Variants in SYNPO2 observed in about 807,000 individuals in gnomAD.
SYNPO2 encodes the protein synaptopodin-2.
Under a neutral mutation model 85.0 loss-of-function variants are expected in SYNPO2, and 56 were observed. The ratio of observed to expected loss-of-function variants is 0.66; its 90% CI spans 0.53 to 0.82. The LOEUF is 0.82. SYNPO2 is among the 40% of genes least tolerant of loss of function. SYNPO2 has a pLI of 0.00. For missense variants in SYNPO2, 1,575 were observed against 1,534.2 expected (o/e 1.03, Z -0.44); for synonymous variants, 602 against 591.1 (o/e 1.02, Z -0.27).
chr4:119,023,152 A>T lies in SYNPO2; in HGVS notation c.106-278A>T, dbSNP rs181065351. ...CTCTTCTCTATTTTTTATTTCTTTA[A>T]TTCTGTCTGGTACCTTTACATTGAT... On this transcript the variant is annotated intron_variant, in intron 1 of 4. Coordinates refer to ENST00000307142, the MANE Select transcript of SYNPO2 (RefSeq NM_133477.3). Among the ~76,000 whole-genome samples the T allele has an allele frequency of 6.6e-5, 10 of 152,192 alleles. No homozygotes were observed. In the East Asian group the frequency reaches 1.7e-3, roughly 26 times the overall value.
intron 4 of SYNPO2, chr4:119,038,562 A>G: frequency 1.0e-6 from 1 of 985,456 alleles, no homozygotes; most frequent in Non-Finnish European, 1.2e-6. Context: ...ACTAAATGTA[A>G]CTCAGGGAAC....
At chr4:118,856,437 C>T (rs1395053249) in intron 1 of SYNPO2, among the ~76,000 whole-genome samples, 18 of 152,148 alleles carry the variant, frequency 1.2e-4, no homozygotes, top group Admixed American at 5.2e-4. Context: ...AGCAAAACTT[C>T]GCACTAAGCC....
At chr4:118,883,977 CA>C (rs1732157073), upstream of SYNPO2, among the ~76,000 whole-genome samples, 1 of 152,142 alleles carries the variant, frequency 6.6e-6, no homozygotes, top group Non-Finnish European at 1.5e-5. Context: ...GCAGAAACAT[CA>C]GCATGTTTGC....
chr4:118,938,832 A>G (rs1734202211), intron 1 of SYNPO2, among the ~76,000 whole-genome samples: 1 of 152,380 alleles, frequency 6.6e-6, no homozygotes, highest in African/African-American at 2.4e-5. Flanking sequence ...TGAGCTGAGC[A>G]TATTTCATAC....
intron 4 of SYNPO2, among the ~76,000 whole-genome samples, chr4:119,045,710 C>A (rs1000743593): frequency 6.6e-6 from 1 of 151,996 alleles, no homozygotes; most frequent in Non-Finnish European, 1.5e-5. Context: ...ATGTTTGAAC[C>A]AATTAAACTA....
At chr4:118,909,240 G>A (rs1367965073) in intron 1 of SYNPO2, among the ~76,000 whole-genome samples, 3 of 152,182 alleles carry the variant, frequency 2.0e-5, no homozygotes, top group Non-Finnish European at 4.4e-5. Flanking sequence ...TGAAACATAC[G>A]GGGGATGAGA....
chr4:118,912,229 C>T (rs758258112), intron 1 of SYNPO2, among the ~76,000 whole-genome samples: 3 of 152,108 alleles, frequency 2.0e-5, no homozygotes, highest in Non-Finnish European at 4.4e-5. Flanking sequence ...TTGCCCAGGC[C>T]GGAGTGCAGT....
At chr4:118,957,829 G>A (rs1734932604) in intron 1 of SYNPO2, among the ~76,000 whole-genome samples, 1 of 152,206 alleles carries the variant, frequency 6.6e-6, no homozygotes, top group Non-Finnish European at 1.5e-5. Context: ...GAGAGAGAGG[G>A]CCTTAGAGAG....
chr4:119,042,529 T>G (rs1474834156), intron 4 of SYNPO2: 2 of 152,236 alleles, frequency 1.3e-5, no homozygotes, highest in African/African-American at 4.8e-5. Context: ...TATTTTGGGA[T>G]CTAGGCTAAT....
intron 1 of SYNPO2, among the ~76,000 whole-genome samples, chr4:118,852,832 A>G (rs566979555): frequency 2.0e-4 from 31 of 152,316 alleles, no homozygotes; most frequent in Admixed American, 1.4e-3. Flanking sequence ...AAGTTTACCT[A>G]TATAACAAAC....
intron 1 of SYNPO2, among the ~76,000 whole-genome samples, chr4:118,880,446 T>C (rs914651810): frequency 6.6e-6 from 1 of 152,166 alleles, no homozygotes; most frequent in Non-Finnish European, 1.5e-5. Context: ...GATGATTTTG[T>C]TCATTTCAAA....
intron 1 of SYNPO2, among the ~76,000 whole-genome samples, chr4:118,907,627 T>C (rs1372116947): frequency 6.6e-6 from 1 of 152,186 alleles, no homozygotes; most frequent in African/African-American, 2.4e-5. Flanking sequence ...CATGGCTGTG[T>C]CCTACAAATG....
At chr4:118,903,601 T>A (rs1732829702) in intron 1 of SYNPO2, among the ~76,000 whole-genome samples, 1 of 152,202 alleles carries the variant, frequency 6.6e-6, no homozygotes, top group Non-Finnish European at 1.5e-5. Context: ...GCAGTATCAG[T>A]TACTAATCAA....
chr4:118,963,185 C>T (rs540716565), intron 1 of SYNPO2, among the ~76,000 whole-genome samples: 46 of 152,312 alleles, frequency 3.0e-4, no homozygotes, highest in African/African-American at 1.0e-3. Context: ...TTCCACAAGG[C>T]ACCCTAGGCA....
intron 1 of SYNPO2, among the ~76,000 whole-genome samples, chr4:118,949,620 A>G (rs1734628566): frequency 6.6e-6 from 1 of 151,720 alleles, no homozygotes; most frequent in South Asian, 2.1e-4. Flanking sequence ...GTAATGACAC[A>G]TGCCTATAAT....
chr4:119,013,930 C>T (rs186033034), intron 1 of SYNPO2, among the ~76,000 whole-genome samples: 28 of 152,310 alleles, frequency 1.8e-4, no homozygotes, highest in African/African-American at 6.7e-4. Flanking sequence ...TTAGAAACTA[C>T]TGCTTGTTGA....
Position 119,023,562 on chromosome 4 carries a change from C to T in SYNPO2, c.238C>T (p.Leu80Phe). The part of the protein sequence containing the change: ...IKLMESITDS[L>F]QMLIKRPSSG... ...GCTCATGGAAAGCATAACAGACTCT[C>T]TCCAAATGCTCATCAAAAGGTACAA... The change falls in exon 2 of 5, where the codon CTC (leucine) becomes TTC (phenylalanine). Residue 80 changes from leucine to phenylalanine, a missense_variant. Around this residue, in one of 3 missense-constraint regions of SYNPO2, gnomAD observed 1,508 missense variants for 1,446.8 expected, o/e 1.04. Transcript: ENST00000307142. The T allele has an allele frequency of 6.2e-7, 1 of 1,612,814 alleles. No individual in the cohort carries two copies.
At chr4:119,009,378 T>A (rs1389032293) in intron 1 of SYNPO2, among the ~76,000 whole-genome samples, 1 of 152,104 alleles carries the variant, frequency 6.6e-6, no homozygotes, top group Non-Finnish European at 1.5e-5. Flanking sequence ...TAAAAGAACA[T>A]GCCAAAAAAT....
intron 1 of SYNPO2, among the ~76,000 whole-genome samples, chr4:118,913,134 C>T (rs1733196854): frequency 1.3e-5 from 2 of 152,028 alleles, no homozygotes; most frequent in Admixed American, 1.3e-4. Flanking sequence ...TATCCTTGCT[C>T]TTAAGAAATT....
Sources: gnomAD v4.1 joint callset for allele counts (sites outside exome capture counted in the v4.1 genomes callset) on GRCh38, gnomAD v4.1.1 for gene constraint, gnomAD v4.1.1 regional missense constraint, MANE v1.5 for transcripts, NCBI Gene and HGNC (gene_info 2026-07-23, HGNC 2026-07-21) for gene names.